The following FGF14 variants were observed in gnomAD, a reference collection of about 807,000 sequenced individuals.
FGF14 encodes fibroblast growth factor homologous factor 4.
Under a neutral mutation model 25.5 loss-of-function variants are expected in FGF14, and 5 were observed. That is an observed-to-expected ratio of 0.20 (90% CI 0.10 to 0.41). The LOEUF (loss-of-function observed/expected upper bound fraction) is 0.41. Among genes scored for constraint, FGF14 ranks in the 10% least tolerant of loss-of-function variants. FGF14 has a pLI of 1.00. For synonymous variants in FGF14, 138 were observed against 118.3 expected (o/e 1.17, Z -1.08); for missense variants, 222 against 320.1 (o/e 0.69, Z 2.34).
At chr13:102,098,037 C>T (rs553395252) in intron 1 of FGF14, among the ~76,000 whole-genome samples, 5 of 152,332 alleles carry the variant, frequency 3.3e-5, no homozygotes, top group African/African-American at 9.6e-5. Context: ...TCATCACAGT[C>T]ATGTGTGGCT....
chr13:102,004,962 C>A (rs925037538), intron 1 of FGF14, among the ~76,000 whole-genome samples: 2 of 152,156 alleles, frequency 1.3e-5, no homozygotes, highest in Non-Finnish European at 2.9e-5. Context: ...TTAATTAAAC[C>A]TCTTTCCTTT....
chr13:101,821,011 G>GCA, intron 3 of FGF14, among the ~76,000 whole-genome samples: 2 of 146,370 alleles, frequency 1.4e-5, no homozygotes, highest in East Asian at 2.1e-4. Flanking sequence ...GCAGTGGCAT[G>GCA]ATCTCGGCTC....
intron 1 of FGF14, among the ~76,000 whole-genome samples, chr13:102,166,571 ATGTTGC>A (rs1483287753): frequency 1.3e-5 from 2 of 152,046 alleles, no homozygotes; most frequent in Non-Finnish European, 2.9e-5. Flanking sequence ...GGAGTTGGTG[ATGTTGC>A]TGTTTAAAAC....
Position 102,276,537 on chromosome 13 carries a change from ATTGT to A in FGF14, c.208+124930_208+124933del, listed in dbSNP as rs2053561230. On this transcript the variant is annotated intron_variant, in intron 1 of 4. Transcript: ENST00000376131. ...ACAGAAATTCTCCAGCTCTGAAAAG[ATTGT>A]TTGTTCACTGTCAGTTCAAAGAATT... 2.6e-5 allele frequency among the ~76,000 whole-genome samples: 4 copies of A among 151,778 alleles called. No individual in the cohort carries two copies. The South Asian group carries it at 8.3e-4, about 32-fold the overall frequency.
At chr13:102,294,728 A>C (rs940419204) in intron 1 of FGF14, among the ~76,000 whole-genome samples, 8 of 151,998 alleles carry the variant, frequency 5.3e-5, no homozygotes, top group Non-Finnish European at 1.5e-5. Context: ...ATATTAGTGA[A>C]ATTTTTCTAG....
At chr13:102,033,524 C>T (rs986957722) in intron 1 of FGF14, among the ~76,000 whole-genome samples, 14 of 152,202 alleles carry the variant, frequency 9.2e-5, no homozygotes, top group South Asian at 4.1e-4. Context: ...CACTCATGCA[C>T]GCATACTCAA....
intron 1 of FGF14, among the ~76,000 whole-genome samples, chr13:102,368,891 T>A (rs890878694): frequency 5.3e-5 from 8 of 152,200 alleles, no homozygotes; most frequent in African/African-American, 1.9e-4. Flanking sequence ...AGCTGAAGTA[T>A]AATGGATCCT....
intron 1 of FGF14, among the ~76,000 whole-genome samples, chr13:102,203,583 G>A (rs1013520354): frequency 6.6e-6 from 1 of 152,074 alleles, no homozygotes; most frequent in Admixed American, 6.5e-5. Context: ...GGATATTAGT[G>A]AAATTTAATT....
intron 1 of FGF14, among the ~76,000 whole-genome samples, chr13:101,882,552 T>G (rs780271438): frequency 0.048 from 3,805 of 78,510 alleles, 64 homozygotes; most frequent in Non-Finnish European, 0.066. Flanking sequence ...TATTTTCTGT[T>G]TTTTTTTTTT....
intron 1 of FGF14, among the ~76,000 whole-genome samples, chr13:102,100,452 G>A (rs998984356): frequency 7.9e-5 from 12 of 152,138 alleles, no homozygotes; most frequent in Non-Finnish European, 1.6e-4. Context: ...TGGCTTTGCA[G>A]AACAGAAGGA....
chr13:101,900,696 A>G (rs1482496063), intron 1 of FGF14, among the ~76,000 whole-genome samples: 1 of 152,172 alleles, frequency 6.6e-6, no homozygotes, highest in Non-Finnish European at 1.5e-5. Context: ...AAAGCACATG[A>G]GGAGCGTTTC....
At position 101,715,456 on chromosome 13, in the gene FGF14, A is replaced by T; in HGVS notation, c.*7375T>A. ...CATTGCACAATAAGAAAATCTACCAAGGATGAATGAAATGATTTCATTGTG... is the reference window on the plus strand; with the variant it reads ...CATTGCACAATAAGAAAATCTACCATGGATGAATGAAATGATTTCATTGTG... On this transcript the variant is annotated 3_prime_UTR_variant, in exon 5 of 5. Transcript: ENST00000376143. 2.5e-6 allele frequency: 2 copies of T among 807,646 alleles called. No homozygotes were observed. The highest frequency in any genetic ancestry group is 2.5e-5 in the East Asian group (1 of 40,734). The allele number at this position is 807,646 out of a possible 1,614,324, so 50.0% of individuals were successfully genotyped here.
intron 3 of FGF14, among the ~76,000 whole-genome samples, chr13:101,761,248 G>C (rs1472367579): frequency 6.6e-6 from 1 of 152,126 alleles, no homozygotes; most frequent in Non-Finnish European, 1.5e-5. Context: ...GAATATGCAG[G>C]AGAAAACACA....
intron 1 of FGF14, among the ~76,000 whole-genome samples, chr13:102,049,271 T>G (rs1259817223): frequency 6.6e-6 from 1 of 152,234 alleles, no homozygotes; most frequent in African/African-American, 2.4e-5. Context: ...CTCTACATTC[T>G]GAGTTTTAAC....
intron 1 of FGF14, among the ~76,000 whole-genome samples, chr13:102,028,921 C>G (rs190415029): frequency 1.3e-5 from 2 of 152,142 alleles, no homozygotes; most frequent in Admixed American, 1.3e-4. Flanking sequence ...CCTTGCTATC[C>G]TTAGAATGTG....
At chr13:102,096,532 A>G (rs1177978057) in intron 1 of FGF14, among the ~76,000 whole-genome samples, 2 of 152,162 alleles carry the variant, frequency 1.3e-5, no homozygotes, top group Admixed American at 6.6e-5. Flanking sequence ...CGCTATGATG[A>G]TATTTTCATG....
intron 1 of FGF14, among the ~76,000 whole-genome samples, chr13:102,093,107 T>A (rs2044240811): frequency 6.6e-6 from 1 of 152,162 alleles, no homozygotes; most frequent in Non-Finnish European, 1.5e-5. Flanking sequence ...ATGTAGAATG[T>A]TTTCAATAAA....
At chr13:101,833,134 A>T (rs1013059915) in intron 3 of FGF14, among the ~76,000 whole-genome samples, 19 of 151,972 alleles carry the variant, frequency 1.3e-4, no homozygotes, top group Admixed American at 6.6e-5. Context: ...GGTGGGTAGG[A>T]GGTAGGGTCT....
At chr13:101,956,314 T>G (rs58885639) in intron 1 of FGF14, among the ~76,000 whole-genome samples, 34,110 of 152,028 alleles carry the variant, frequency 0.22, 4,083 homozygotes, top group Admixed American at 0.34. Flanking sequence ...TAAAACACAC[T>G]TGACATTGCG....
Sources: allele counts gnomAD v4.1 joint callset (sites outside exome capture counted in the v4.1 genomes callset), GRCh38; gene constraint gnomAD v4.1.1; transcripts MANE v1.5; gene names NCBI Gene and HGNC (gene_info 2026-07-23, HGNC 2026-07-21).